The following SCAP variants were observed in gnomAD, a reference collection of about 807,000 sequenced individuals.
SCAP encodes SREBF chaperone.
Under a neutral mutation model 123.6 loss-of-function variants are expected in SCAP, and 65 were observed. The ratio of observed to expected loss-of-function variants is 0.53; its 90% CI spans 0.43 to 0.65. SCAP has a LOEUF of 0.65. SCAP is among the 30% of genes least tolerant of loss of function. The pLI, the probability that SCAP is intolerant of heterozygous loss-of-function variation, is 0.00. For missense variants in SCAP, 1,398 were observed against 1,712.5 expected (o/e 0.82, Z 3.24); for synonymous variants, 740 against 726.3 (o/e 1.02, Z -0.30).
rs199682625 is a variant in SCAP, at chr3:47,422,394, C to T, written c.1245+48G>A. On this transcript the variant is annotated intron_variant, in intron 10 of 22. Transcript: ENST00000265565. ...CCCATGGCTGCACAGCTGGGGAGCA[C>T]AGCAGTTGCTTCCATGCTCATCCAG... The T allele has an allele frequency of 2.3e-5, 35 of 1,531,358 alleles. No individual in the cohort carries two copies. In the Admixed American group the frequency reaches 5.6e-4, roughly 25 times the overall value. 94.9% of individuals were successfully genotyped at this position (1,531,358 alleles called of 1,614,324 possible).
intron 1 of SCAP, among the ~76,000 whole-genome samples, chr3:47,452,262 A>C (rs1265834150): frequency 2.0e-5 from 3 of 152,162 alleles, no homozygotes; most frequent in Non-Finnish European, 2.9e-5. Context: ...TATTAAATGC[A>C]CCTATAATCC....
At chr3:47,462,391 G>A (rs908252221) in intron 1 of SCAP, among the ~76,000 whole-genome samples, 2 of 152,044 alleles carry the variant, frequency 1.3e-5, no homozygotes, top group Admixed American at 6.6e-5. Flanking sequence ...AAAGGCACAC[G>A]CAGTGAAGCC....
intron 6 of SCAP, among the ~76,000 whole-genome samples, chr3:47,426,863 T>C (rs1320997771): frequency 6.6e-6 from 1 of 152,136 alleles, no homozygotes; most frequent in African/African-American, 2.4e-5. Context: ...TGCTCAGTAG[T>C]AACCAGCTGG....
At chr3:47,417,852 A>AGGGGGCACGGGGGAGGGGGGGGAGC in intron 16 of SCAP, 26 bp from the exon 17 acceptor site, 1 of 1,174,834 alleles carries the variant, frequency 8.5e-7, no homozygotes, top group Non-Finnish European at 1.1e-6. Flanking sequence ...GCGGAGTGAG[A>AGGGGGCACGGGGGAGGGGGGGGAGC]GGGGGCACGG....
chr3:47,413,837 G>A lies in SCAP; in HGVS notation c.*17C>T. On this transcript the variant is annotated 3_prime_UTR_variant, in exon 23 of 23. Coordinates refer to ENST00000265565, the MANE Select transcript of SCAP (RefSeq NM_012235.4). ...CACAGCACCCCAGCCTCCTGCCTGG[G>A]CAAGGAGGCCCTGCGCTCAGTCCAG... The A allele has an allele frequency of 2.5e-6, 4 of 1,606,240 alleles. No homozygotes were observed. Among genetic ancestry groups the A allele is most frequent in the South Asian group, 1.1e-5 (1 of 90,796 alleles).
intron 3 of SCAP, among the ~76,000 whole-genome samples, chr3:47,430,798 C>A (rs539532397): frequency 6.6e-6 from 1 of 152,246 alleles, no homozygotes; most frequent in African/African-American, 2.4e-5. Context: ...AGGGCCCAGC[C>A]CAGCTGAGGG....
rs1042326581 is a variant in SCAP, at chr3:47,419,968, T to G, written c.1564-264A>C. Among the ~76,000 whole-genome samples, 1 of 152,192 alleles carries G rather than the reference T, an allele frequency of 6.6e-6. No individual in the cohort carries two copies. Among genetic ancestry groups the G allele is most frequent in the Admixed American group, 6.5e-5 (1 of 15,278 alleles). On this transcript the variant is annotated intron_variant, in intron 12 of 22. Coordinates refer to ENST00000265565, the MANE Select transcript of SCAP (RefSeq NM_012235.4). The surrounding 1 kb of genome is among the most constrained non-coding windows in gnomAD (Gnocchi z 5.0). Reference sequence around the variant, plus strand: ...GAAATACACTGAAGCACCCTGAGGTTTGACACAGAATGTCCCCACCCCTAA... The same window carrying G: ...GAAATACACTGAAGCACCCTGAGGTGTGACACAGAATGTCCCCACCCCTAA...
chr3:47,423,066 C>T (rs972683543), intron 9 of SCAP, among the ~76,000 whole-genome samples: 5 of 152,180 alleles, frequency 3.3e-5, no homozygotes, highest in East Asian at 1.9e-4. Flanking sequence ...AGGACAATTT[C>T]GCCCCATCTC....
At position 47,419,558 on chromosome 3, in the gene SCAP, G is replaced by T; in HGVS notation, c.1710C>A (p.Pro570=). The change falls in exon 13 of 23, where the codon CCC becomes CCA. Residue 570 remains proline (P), a synonymous_variant. Transcript: ENST00000265565. This position sits in a 1 kb window ranked among gnomAD's most constrained non-coding sequence, Gnocchi z 5.0. ...PMPVPSGMLP[P]SHPDPAFSIF... The stretch of plus-strand genomic sequence containing the variant: ...TGGAGAAGGCAGGGTCCGGGTGGCT[G>T]GGGGGCAGCATGCCACTAGGCACGG... 6.2e-7 allele frequency: 1 copy of T among 1,612,704 alleles called. No homozygotes were observed. The highest frequency in any genetic ancestry group is 1.7e-4 in the Middle Eastern group (1 of 6,050).
intron 1 of SCAP, among the ~76,000 whole-genome samples, chr3:47,462,771 A>AAAG (rs1553650391): frequency 2.1e-5 from 3 of 143,598 alleles, no homozygotes; most frequent in East Asian, 4.1e-4. Flanking sequence ...AAAAAAAAAA[A>AAAG]AAAGAAAGAA....
chr3:47,422,344 C>T (rs1402497976), intron 10 of SCAP, 98 bp downstream of exon 10: 3 of 1,019,416 alleles, frequency 2.9e-6, no homozygotes, highest in African/African-American at 3.2e-5. Flanking sequence ...GCAAGGATGC[C>T]TGTGCTGAAG....
intron 1 of SCAP, among the ~76,000 whole-genome samples, chr3:47,453,045 G>A (rs1419762286): frequency 6.6e-6 from 1 of 152,078 alleles, no homozygotes; most frequent in Non-Finnish European, 1.5e-5. Context: ...ACAGTAAGCT[G>A]TGATTCCGCC....
At position 47,420,511 on chromosome 3, in the gene SCAP, G is replaced by C; in HGVS notation, c.1563+43C>G. 6.7e-7 allele frequency: 1 copy of C among 1,497,348 alleles called. No individual in the cohort carries two copies. The allele number at this position is 1,497,348 out of a possible 1,614,324, so 92.8% of individuals were successfully genotyped here. On this transcript the variant is annotated intron_variant, in intron 12 of 22. Transcript: ENST00000265565. This position sits in a 1 kb window ranked among gnomAD's most constrained non-coding sequence, Gnocchi z 5.0. ...AGCACCACAAGGGGCCTGGAGCACCGGCCCTCCAGAAGAGGGCAGGGCAGG... is the reference window on the plus strand; with the variant it reads ...AGCACCACAAGGGGCCTGGAGCACCCGCCCTCCAGAAGAGGGCAGGGCAGG...
chr3:47,420,592 A>G lies in SCAP; in HGVS notation c.1525T>C (p.Phe509Leu). ...TGTGCCAGGCGGGTGCGGGCCAGGA[A>G]GTAGACAACACGCAGCCTCTTGGGG... ...RLPKRLRVVY[F>L]LARTRLAQRL... The change falls in exon 12 of 23, where the codon TTC becomes CTC. Residue 509 changes from phenylalanine (F) to leucine (L), a missense_variant. This residue lies in a region of SCAP where 828 missense variants were observed against 882.5 expected (regional missense o/e 0.94). Transcript: ENST00000265565. This position sits in a 1 kb window ranked among gnomAD's most constrained non-coding sequence, Gnocchi z 5.0. The G allele has an allele frequency of 6.2e-7, 1 of 1,611,202 alleles. No homozygotes were observed. Among genetic ancestry groups the G allele is most frequent in the Non-Finnish European group, 8.5e-7 (1 of 1,179,414 alleles).
In SCAP at chr3:47,418,416, C is replaced by T. The variant is rs771728213; in HGVS notation, c.2236G>A (p.Gly746Arg). 1.6e-5 allele frequency: 26 copies of T among 1,579,696 alleles called. No individual in the cohort carries two copies. Among genetic ancestry groups the T allele is most frequent in the South Asian group, 3.4e-5 (3 of 87,270 alleles). ...GGCAGCTCCCCGCGCCTCCGCCGCC[C>T]GGGCCCACCACCCAGCTGCCCGTAG... The part of the protein sequence containing the change: ...RNYGQLGGGP[G>R]RRRRGELPCD... The change falls in exon 15 of 23, where the codon GGG (glycine) becomes AGG (arginine). Residue 746 changes from glycine to arginine, a missense_variant. Transcript: ENST00000265565.
At chr3:47,452,337 A>C (rs1707257506) in intron 1 of SCAP, among the ~76,000 whole-genome samples, 2 of 152,254 alleles carry the variant, frequency 1.3e-5, no homozygotes, top group Admixed American at 6.5e-5. Context: ...CAGCCTGGGC[A>C]ACACAGTGAG....
chr3:47,426,283 G>T, intron 6 of SCAP, 114 bp from the exon 7 acceptor site: 1 of 1,078,456 alleles, frequency 9.3e-7, no homozygotes, highest in South Asian at 1.6e-5. Context: ...TGTGTTGAAA[G>T]GGAACTTCTC....
At position 47,419,348 on chromosome 3, in the gene SCAP, G is replaced by T. The variant is rs749923410; in HGVS notation, c.1920C>A (p.Tyr640Ter). ...CTCACCTCTTGGCCAGTGTGATGTT[G>T]TAATAGCTGAAGAGCGTCGGCCAGT... ...FRHWPTLFSY[Y>*]NITLAKRYIS... is the part of the protein sequence containing the mutation. The change falls in exon 13 of 23, where the codon TAC becomes TAA. Residue 640 changes from tyrosine (Y) to a stop codon, truncating the protein, a stop_gained. Coordinates refer to ENST00000265565, the MANE Select transcript of SCAP (RefSeq NM_012235.4). LOFTEE classifies it high-confidence loss of function. The surrounding 1 kb of genome is among the most constrained non-coding windows in gnomAD (Gnocchi z 5.0). The T allele has an allele frequency of 6.2e-7, 1 of 1,612,612 alleles. No homozygotes were observed. The highest frequency in any genetic ancestry group is 1.7e-5 in the Admixed American group (1 of 59,992).
At chr3:47,446,616 C>T (rs1290141442) in intron 1 of SCAP, among the ~76,000 whole-genome samples, 2 of 151,938 alleles carry the variant, frequency 1.3e-5, no homozygotes, top group Non-Finnish European at 2.9e-5. Flanking sequence ...CCAATGTCTT[C>T]TCCTAAAAAT....
Sources: gnomAD v4.1 joint callset for allele counts (sites outside exome capture counted in the v4.1 genomes callset) on GRCh38, gnomAD v4.1.1 for gene constraint, gnomAD v4.1.1 regional missense constraint, Gnocchi (gnomAD v3.1) non-coding constraint, MANE v1.5 for transcripts, NCBI Gene and HGNC (gene_info 2026-07-23, HGNC 2026-07-21) for gene names.